Variants in PDE4D observed in about 807,000 individuals in gnomAD.
PDE4D encodes phosphodiesterase 4D, also known as 3',5'-cyclic-AMP phosphodiesterase 4D.
In PDE4D, 24 loss-of-function variants were observed where a neutral mutation model predicts 87.4. The ratio of observed to expected loss-of-function variants is 0.27; its 90% confidence interval spans 0.20 to 0.39. PDE4D has a LOEUF of 0.39. Among genes scored for constraint, PDE4D ranks in the 10% least tolerant of loss-of-function variants. The pLI is 1.00. For synonymous variants in PDE4D, 384 were observed against 383.2 expected (o/e 1.00, Z -0.02); for missense variants, 714 against 1,041.0 (o/e 0.69, Z 4.32).
intron 1 of PDE4D, among the ~76,000 whole-genome samples, chr5:59,849,113 T>G (rs917001828): frequency 6.6e-6 from 1 of 152,044 alleles, no homozygotes; most frequent in Non-Finnish European, 1.5e-5. Context: ...AAATCTAAAA[T>G]GTATTAAATT....
chr5:59,412,355 T>C (rs185760230), intron 1 of PDE4D, among the ~76,000 whole-genome samples: 332 of 152,310 alleles, frequency 2.2e-3, no homozygotes, highest in African/African-American at 7.5e-3. Context: ...AACTTTCAAT[T>C]GCAGAAGAGA....
intron 1 of PDE4D, among the ~76,000 whole-genome samples, chr5:60,423,029 T>C (rs1026201213): frequency 4.6e-5 from 7 of 152,050 alleles, no homozygotes; most frequent in African/African-American, 1.7e-4. Context: ...TACAGGAGCA[T>C]CCAGATTCAT....
intron 2 of PDE4D, among the ~76,000 whole-genome samples, chr5:60,103,470 T>C (rs975145810): frequency 6.6e-6 from 1 of 152,046 alleles, no homozygotes; most frequent in Non-Finnish European, 1.5e-5. Flanking sequence ...TAGCATATGG[T>C]AGAAAGATGA....
chr5:60,175,032 C>T (rs947580377), intron 2 of PDE4D, among the ~76,000 whole-genome samples: 8 of 151,944 alleles, frequency 5.3e-5, no homozygotes, highest in African/African-American at 1.9e-4. Context: ...TCTCTTTCCT[C>T]TCCTTCTGTC....
chr5:59,004,263 A>G (rs1751126470), intron 6 of PDE4D, among the ~76,000 whole-genome samples: 1 of 152,214 alleles, frequency 6.6e-6, no homozygotes, highest in South Asian at 2.1e-4. Flanking sequence ...AACTACTATA[A>G]CTGATTAGCT....
chr5:60,473,753 A>C lies in PDE4D; in HGVS notation c.-90+14189T>G, dbSNP rs187692132. ...AGAGCTCATCTGGCATGCAAACCAT[A>C]CTACCATATGCTTTCACCTCTGTCA... On this transcript the variant is annotated intron_variant, in intron 1 of 16. Coordinates refer to the PDE4D transcript ENST00000502484. Among the ~76,000 whole-genome samples, 282 of 151,888 alleles carry C rather than the reference A, an allele frequency of 1.9e-3. 1 individual carries two copies. The highest frequency in any genetic ancestry group is 6.6e-3 in the African/African-American group (273 of 41,458).
chr5:59,367,976 G>A (rs539162081), intron 1 of PDE4D, among the ~76,000 whole-genome samples: 5 of 152,344 alleles, frequency 3.3e-5, no homozygotes, highest in African/African-American at 1.2e-4. Context: ...TTTGCACAGC[G>A]CCCTCTTGTG....
intron 1 of PDE4D, among the ~76,000 whole-genome samples, chr5:59,402,388 C>T (rs1243728446): frequency 6.6e-6 from 1 of 152,282 alleles, no homozygotes; most frequent in Non-Finnish European, 1.5e-5. Context: ...TCTGCAACTT[C>T]ACTCATCACC....
At chr5:58,993,570 TTGTCC>T in intron 6 of PDE4D, 105 bp from the exon 7 acceptor site, 3 of 685,400 alleles carry the variant, frequency 4.4e-6, no homozygotes, top group Non-Finnish European at 7.3e-6. Flanking sequence ...AATTTTTAAG[TTGTCC>T]TGACAATTTA....
At chr5:59,070,665 A>G (rs1348114077) in intron 5 of PDE4D, among the ~76,000 whole-genome samples, 3 of 152,014 alleles carry the variant, frequency 2.0e-5, no homozygotes, top group African/African-American at 7.2e-5. Flanking sequence ...TACCCTGATT[A>G]CCTTTTTTTC....
intron 3 of PDE4D, among the ~76,000 whole-genome samples, chr5:59,974,601 T>C (rs1365530940): frequency 6.6e-6 from 1 of 152,130 alleles, no homozygotes; most frequent in East Asian, 1.9e-4. Context: ...GTTATGGTCT[T>C]TCCAAAAGAC....
At chr5:59,145,969 A>C (rs961251482) in intron 5 of PDE4D, among the ~76,000 whole-genome samples, 1 of 152,108 alleles carries the variant, frequency 6.6e-6, no homozygotes, top group African/African-American at 2.4e-5. Flanking sequence ...CCTACTAAAA[A>C]TACAAAAATT....
chr5:59,402,575 T>TA (rs1790857142), intron 1 of PDE4D, among the ~76,000 whole-genome samples: 1 of 152,026 alleles, frequency 6.6e-6, no homozygotes, highest in South Asian at 2.1e-4. Context: ...ATTCAAATGT[T>TA]AAAAAATTCC....
chr5:59,700,003 T>C (rs190430131), intron 1 of PDE4D, among the ~76,000 whole-genome samples: 35 of 152,252 alleles, frequency 2.3e-4, no homozygotes, highest in African/African-American at 8.4e-4. Context: ...AGTAGATATA[T>C]TTAATCTAAT....
chr5:59,243,048 G>A (rs1757998846), intron 1 of PDE4D, among the ~76,000 whole-genome samples: 1 of 152,168 alleles, frequency 6.6e-6, no homozygotes, highest in Non-Finnish European at 1.5e-5. Context: ...CACAGTTGGA[G>A]AACCAGTGTC....
chr5:59,322,859 A>G (rs1357817681), intron 1 of PDE4D, among the ~76,000 whole-genome samples: 1 of 152,148 alleles, frequency 6.6e-6, no homozygotes, highest in Admixed American at 6.6e-5. Flanking sequence ...GCATGAAGGC[A>G]ACCTGCAGCC....
intron 1 of PDE4D, among the ~76,000 whole-genome samples, chr5:59,829,044 T>C (rs1023898017): frequency 8.5e-5 from 13 of 152,066 alleles, no homozygotes; most frequent in Non-Finnish European, 1.2e-4. Context: ...CTGAGATAAA[T>C]AGTATCTAGA....
intron 6 of PDE4D, among the ~76,000 whole-genome samples, chr5:59,032,915 A>T (rs1223782843): frequency 6.6e-6 from 1 of 152,218 alleles, no homozygotes; most frequent in Admixed American, 6.5e-5. Flanking sequence ...AAAATATTAG[A>T]TAGGAAACAA....
At chr5:59,119,633 T>C (rs1485809394) in intron 5 of PDE4D, among the ~76,000 whole-genome samples, 1 of 152,196 alleles carries the variant, frequency 6.6e-6, no homozygotes, top group Non-Finnish European at 1.5e-5. Flanking sequence ...TGGTGACTTT[T>C]ACATCAGTAA....
Sources: allele counts gnomAD v4.1 joint callset (sites outside exome capture counted in the v4.1 genomes callset), GRCh38; gene constraint gnomAD v4.1.1; transcripts MANE v1.5; gene names NCBI Gene and HGNC (gene_info 2026-07-23, HGNC 2026-07-21).